Variants in NFATC1 observed in about 807,000 individuals in gnomAD.
NFATC1 encodes the protein nuclear factor of activated T cells 1.
NFATC1 carries 22 observed loss-of-function variants against 76.0 expected under a neutral mutation model. The ratio of observed to expected loss-of-function variants is 0.29; its 90% CI spans 0.21 to 0.41. The LOEUF is 0.41. NFATC1 is among the 10% of genes least tolerant of loss of function. The pLI is 1.00. For synonymous variants in NFATC1, 704 were observed against 613.1 expected, an observed-to-expected ratio of 1.15 and a Z score of -2.19; for missense variants, 1,357 against 1,337.7, an observed-to-expected ratio of 1.01 and a Z score of -0.23.
chr18:79,523,381 T>C (rs2090666161), intron 9 of NFATC1, among the ~76,000 whole-genome samples: 1 of 152,250 alleles, frequency 6.6e-6, no homozygotes, highest in Non-Finnish European at 1.5e-5. Flanking sequence ...AGGTGAACTT[T>C]GGGTAGCTCA....
chr18:79,482,256 C>T (rs1394901895), intron 8 of NFATC1, among the ~76,000 whole-genome samples: 4 of 98,340 alleles, frequency 4.1e-5, no homozygotes, highest in Middle Eastern at 0.012. Flanking sequence ...AGCGTGACCT[C>T]GTTCCTGGGG....
At chr18:79,406,409 G>C (rs924905298) in intron 1 of NFATC1, among the ~76,000 whole-genome samples, 10 of 152,076 alleles carry the variant, frequency 6.6e-5, no homozygotes, top group African/African-American at 2.4e-4. Context: ...GGAAGTCGGG[G>C]TGTGGGAGGG....
At position 79,411,518 on chromosome 18, in the gene NFATC1, G is replaced by A. The variant is rs113881412; in HGVS notation, c.1226+17G>A. 153,907 of 1,441,546 alleles carry A rather than the reference G, an allele frequency of 0.11. 9,474 individuals are homozygous for A. The highest frequency in any genetic ancestry group is 0.12 in the Non-Finnish European group (133,252 of 1,099,298). 89.3% of individuals were successfully genotyped at this position (1,441,546 alleles called of 1,614,324 possible). On this transcript the variant is annotated intron_variant, in intron 2 of 9. Transcript: ENST00000427363. ...CTACATGAGGTGAGCCGGCAGCGCG[G>A]GGCGGGACGGGGAGGCGAGGGGAGG...
chr18:79,450,960 C>T lies in NFATC1; in HGVS notation c.1596C>T (p.Asp532=). Residue 532 remains aspartate (D), a synonymous_variant, in exon 5 of 10, where the codon GAC becomes GAT. Transcript: ENST00000427363. ...GGGCTTTTGTTTTGGGCAGCATTGA[C>T]TGTGCCGGAATCCTGAAACTCAGAA... The part of the protein sequence containing the change: ...LPENSMRAVI[D]CAGILKLRNS... 6.2e-7 allele frequency: 1 copy of T among 1,613,324 alleles called. No homozygotes were observed. The highest frequency in any genetic ancestry group is 1.1e-5 in the South Asian group (1 of 91,048).
intron 9 of NFATC1, among the ~76,000 whole-genome samples, chr18:79,507,650 C>G (rs543163313): frequency 6.6e-6 from 1 of 152,376 alleles, no homozygotes; most frequent in Non-Finnish European, 1.5e-5. Flanking sequence ...TGTGTGGGTT[C>G]CTGACGCACG....
chr18:79,516,560 C>T (rs140831975), intron 9 of NFATC1, among the ~76,000 whole-genome samples: 1,598 of 152,284 alleles, frequency 0.01, 39 homozygotes, highest in African/African-American at 0.037. Flanking sequence ...GCCGGGCGCC[C>T]AGCAGTGTCG....
chr18:79,468,187 A>C (rs2088616799), intron 8 of NFATC1: 1 of 156,618 alleles, frequency 6.4e-6, no homozygotes, highest in African/African-American at 2.4e-5. Context: ...CAAAAAAAAA[A>C]AAAAATCATC....
At chr18:79,478,540 C>G (rs1359460948) in intron 8 of NFATC1, among the ~76,000 whole-genome samples, 1 of 152,202 alleles carries the variant, frequency 6.6e-6, no homozygotes, top group Non-Finnish European at 1.5e-5. Context: ...CATGTCCTGG[C>G]TCCTGTTACC....
chr18:79,526,167 T>C (rs79122149), intron 9 of NFATC1, among the ~76,000 whole-genome samples: 8,020 of 152,324 alleles, frequency 0.053, 285 homozygotes, highest in Admixed American at 0.09. Context: ...GTGCGCACTC[T>C]GGGACAAGTC....
intron 3 of NFATC1, among the ~76,000 whole-genome samples, chr18:79,443,871 C>A (rs768016537): frequency 6.6e-6 from 1 of 152,218 alleles, no homozygotes. Context: ...TGCCACATGG[C>A]GAAAGCTGCT....
At chr18:79,492,083 T>TG (rs1230271244) in intron 9 of NFATC1, among the ~76,000 whole-genome samples, 1 of 152,094 alleles carries the variant, frequency 6.6e-6, no homozygotes, top group East Asian at 1.9e-4. Context: ...TCCAGGAATG[T>TG]GGAGTTAAAA....
At chr18:79,436,700 C>T (rs1444646984) in intron 3 of NFATC1, among the ~76,000 whole-genome samples, 2 of 152,190 alleles carry the variant, frequency 1.3e-5, no homozygotes, top group African/African-American at 4.8e-5. Context: ...TGGATAGGTG[C>T]TCGCTCTTAC....
intron 1 of NFATC1, chr18:79,400,399 G>T: frequency 6.7e-7 from 1 of 1,489,674 alleles, no homozygotes; most frequent in Non-Finnish European, 8.9e-7. Context: ...GCCATGACGG[G>T]GCTGGAGGAC....
chr18:79,520,050 G>C (rs577685405), intron 9 of NFATC1, among the ~76,000 whole-genome samples: 55 of 152,314 alleles, frequency 3.6e-4, no homozygotes, highest in African/African-American at 1.2e-3. Flanking sequence ...ACCAGGAGAG[G>C]GGGCGTTTTG....
chr18:79,456,461 G>C (rs192612130), intron 6 of NFATC1, among the ~76,000 whole-genome samples: 2 of 152,200 alleles, frequency 1.3e-5, no homozygotes, highest in African/African-American at 4.8e-5. Context: ...CGGAAGCCCC[G>C]AGGCCCCTGC....
At chr18:79,433,872 G>C (rs534530987) in intron 3 of NFATC1, 134 bp downstream of exon 3, 1 of 1,083,410 alleles carries the variant, frequency 9.2e-7, no homozygotes, top group Non-Finnish European at 1.3e-6. Flanking sequence ...AGTCCCGGGC[G>C]GCTGCTCACC....
intron 9 of NFATC1, among the ~76,000 whole-genome samples, chr18:79,511,135 C>G (rs1320625550): frequency 6.6e-6 from 1 of 152,228 alleles, no homozygotes; most frequent in Non-Finnish European, 1.5e-5. Context: ...GCCTTCCTGC[C>G]GCACCGCTCC....
chr18:79,502,218 T>A (rs910363097), intron 9 of NFATC1, among the ~76,000 whole-genome samples: 1 of 152,228 alleles, frequency 6.6e-6, no homozygotes, highest in Admixed American at 6.5e-5. Flanking sequence ...GTAAATTGAT[T>A]TTTTGACAAA....
At chr18:79,461,393 T>C (rs57570668) in intron 7 of NFATC1, 27 bp downstream of exon 7, 1 of 1,410,716 alleles carries the variant, frequency 7.1e-7, no homozygotes, top group East Asian at 3.6e-5. Flanking sequence ...CAGCTGGAGC[T>C]ACTGTGGGTC....
Sources: allele counts gnomAD v4.1 joint callset (sites outside exome capture counted in the v4.1 genomes callset), GRCh38; gene constraint gnomAD v4.1.1; transcripts MANE v1.5; gene names NCBI Gene and HGNC (gene_info 2026-07-23, HGNC 2026-07-21).